HECTD4: variants seen among roughly 807,000 people sequenced by gnomAD.
The protein encoded by HECTD4 is probable E3 ubiquitin-protein ligase HECTD4.
Under a neutral mutation model 471.5 loss-of-function variants are expected in HECTD4, and 114 were observed. That is an observed-to-expected ratio of 0.24 (90% confidence interval 0.21 to 0.28). The LOEUF (loss-of-function observed/expected upper bound fraction) is 0.28. HECTD4 is among the 10% of genes least tolerant of loss of function. The pLI, the probability that HECTD4 is intolerant of heterozygous loss-of-function variation, is 1.00. For synonymous variants in HECTD4, 2,012 were observed against 2,256.0 expected (o/e 0.89, Z 3.07); for missense variants, 3,866 against 5,651.5 (o/e 0.68, Z 10.13).
chr12:112,203,548 A>T, intron 54 of HECTD4, 88 bp downstream of exon 54: 2 of 1,092,384 alleles, frequency 1.8e-6, no homozygotes, highest in Non-Finnish European at 2.6e-6. Flanking sequence ...TCATCTGTAT[A>T]ATCACTTTTT....
At chr12:112,233,385 C>A (rs2033430175) in intron 37 of HECTD4, among the ~76,000 whole-genome samples, 1 of 151,470 alleles carries the variant, frequency 6.6e-6, no homozygotes, top group Non-Finnish European at 1.5e-5. Flanking sequence ...ACTATGCTTG[C>A]CTAATTTTTG....
intron 1 of HECTD4, among the ~76,000 whole-genome samples, chr12:112,375,541 G>T (rs772088294): frequency 6.6e-6 from 1 of 152,064 alleles, no homozygotes; most frequent in African/African-American, 2.4e-5. Context: ...TCTTATATAC[G>T]ATGCCTGCTT....
At chr12:112,177,078 T>C (rs994918615) in intron 64 of HECTD4, among the ~76,000 whole-genome samples, 1 of 152,182 alleles carries the variant, frequency 6.6e-6, no homozygotes, top group African/African-American at 2.4e-5. Context: ...AAATGCCCCA[T>C]AGCCAGTTGT....
In HECTD4 at chr12:112,213,367, G is replaced by A. The variant is rs1050345505; in HGVS notation, c.7466-717C>T. On this transcript the variant is annotated intron_variant, in intron 48 of 75. Transcript: ENST00000682272. This position sits in a 1 kb window ranked among gnomAD's most constrained non-coding sequence, Gnocchi z 4.0. ...AAAAGGTATTAGTAATATCATCTCC[G>A]GTGAATATTCAGAAATGGCCTAAAA... is the stretch of plus-strand genomic sequence containing the variant. Among the ~76,000 whole-genome samples, 2 of 151,958 alleles carry A rather than the reference G, an allele frequency of 1.3e-5. No homozygotes were observed. Among genetic ancestry groups the A allele is most frequent in the Admixed American group, 1.3e-4 (2 of 15,234 alleles).
In HECTD4 at chr12:112,265,930, C is replaced by T; in HGVS notation, c.2446G>A (p.Ala816Thr). ...QLRDVILTNLAEQLQNNRFGS... is the reference protein window; with the variant it reads ...QLRDVILTNLTEQLQNNRFGS... ...AATCGGTTGTTTTGGAGCTGTTCAG[C>T]CAGGTTGGTTAGGATCACATCCCGT... The change falls in exon 15 of 76, where the codon GCT (alanine) becomes ACT (threonine). Residue 816 changes from alanine to threonine, a missense_variant. Ala to Thr is a moderately conservative substitution (Grantham distance 58). This residue lies in a region of HECTD4 where 525 missense variants were observed against 672.6 expected (regional missense o/e 0.78). Transcript: ENST00000682272. 1 of 1,613,972 alleles carries T rather than the reference C, an allele frequency of 6.2e-7. No homozygotes were observed. Among genetic ancestry groups the T allele is most frequent in the Non-Finnish European group, 8.5e-7 (1 of 1,179,876 alleles).
rs1185831790 is a variant in HECTD4 at position 112,308,995 on chromosome 12, T to C, written c.1026-104A>G. ...ACATTTTCGACCTAATTTTAAAAAA[T>C]GAGTAAGTATGTAAAACATCTGAAG... On this transcript the variant is annotated intron_variant, in intron 5 of 75. Transcript: ENST00000682272. 17 of 1,161,048 alleles carry C rather than the reference T, an allele frequency of 1.5e-5. No homozygotes were observed. The African/African-American group carries it at 1.9e-4, about 13-fold the overall frequency. The allele number at this position is 1,161,048 out of a possible 1,614,324, so 71.9% of individuals were successfully genotyped here. A position where few individuals can be genotyped will look rare whatever the true frequency, so the allele number is the denominator to read the frequency against.
rs565397950 is a variant in HECTD4 at position 112,160,291 on chromosome 12, A to G, written c.*2096T>C. On this transcript the variant is annotated 3_prime_UTR_variant, in exon 76 of 76. Coordinates refer to ENST00000682272, the MANE Select transcript of HECTD4 (RefSeq NM_001388303.1). ...CTTTGAACTTGCTCAGCAAGAGTAG[A>G]TGATCACACAACTCTTAAGGTAAAT... is the stretch of plus-strand genomic sequence containing the variant. The G allele has an allele frequency of 2.0e-5, 3 of 152,312 alleles. No homozygotes were observed. The highest frequency in any genetic ancestry group is 4.1e-4 in the South Asian group (2 of 4,822). 9.4% of individuals were successfully genotyped at this position (152,312 alleles called of 1,614,324 possible). A position where few individuals can be genotyped will look rare whatever the true frequency, so the allele number is the denominator to read the frequency against.
intron 1 of HECTD4, among the ~76,000 whole-genome samples, chr12:112,371,938 CCAAA>C (rs150892695): frequency 0.04 from 5,851 of 147,198 alleles, 250 homozygotes; most frequent in African/African-American, 0.11. Context: ...GGATCACCAA[CCAAA>C]CAAACAAACA....
At chr12:112,368,147 G>A (rs2036602670) in intron 1 of HECTD4, among the ~76,000 whole-genome samples, 1 of 152,186 alleles carries the variant, frequency 6.6e-6, no homozygotes, top group Non-Finnish European at 1.5e-5. Context: ...GCTACACACT[G>A]TGCTCTGACC....
intron 48 of HECTD4, among the ~76,000 whole-genome samples, chr12:112,212,953 G>A (rs553979943): frequency 2.0e-5 from 3 of 152,232 alleles, no homozygotes; most frequent in South Asian, 4.1e-4. Context: ...CTACAAGCAC[G>A]CCCAGTTAAT....
chr12:112,207,246 C>T lies in HECTD4; in HGVS notation c.8131+628G>A, dbSNP rs369880660. Among the ~76,000 whole-genome samples the T allele has an allele frequency of 1.4e-3, 212 of 152,240 alleles. 1 individual carries two copies. The highest frequency in any genetic ancestry group is 4.2e-3 in the African/African-American group (176 of 41,548). On this transcript the variant is annotated intron_variant, in intron 52 of 75. Transcript: ENST00000682272. ...GCCGCTTCTGCCTCCTGGGTTCAAG[C>T]GATTCTCCTGTCTCAGCCACCGGAG...
chr12:112,230,086 G>C (rs989375887), intron 40 of HECTD4, among the ~76,000 whole-genome samples: 4 of 152,236 alleles, frequency 2.6e-5, no homozygotes, highest in South Asian at 2.1e-4. Flanking sequence ...TACACAACTG[G>C]GAGAATCAAA....
intron 43 of HECTD4, among the ~76,000 whole-genome samples, chr12:112,227,752 C>T (rs930260395): frequency 2.0e-5 from 3 of 152,028 alleles, no homozygotes; most frequent in Non-Finnish European, 4.4e-5. Flanking sequence ...GATTCTCCTG[C>T]CTCAAGGTAG....
rs2033308217 is a variant in HECTD4 at position 112,228,937 on chromosome 12, T to C, written c.6520-126A>G. 2.2e-6 allele frequency: 2 copies of C among 911,382 alleles called. No homozygotes were observed. Among genetic ancestry groups the C allele is most frequent in the African/African-American group, 3.4e-5 (2 of 59,630 alleles). The allele number at this position is 911,382 out of a possible 1,614,324, so 56.5% of individuals were successfully genotyped here. On this transcript the variant is annotated intron_variant, in intron 41 of 75. Coordinates refer to ENST00000682272, the MANE Select transcript of HECTD4 (RefSeq NM_001388303.1). The surrounding 1 kb of genome is among the most constrained non-coding windows in gnomAD (Gnocchi z 4.9). ...GCGTTACAGTAATAGTTTATACTACTAGGGTAGCAGATACCAAGCCCTAGA... is the reference window on the plus strand; with the variant it reads ...GCGTTACAGTAATAGTTTATACTACCAGGGTAGCAGATACCAAGCCCTAGA...
At chr12:112,312,450 C>T (rs974549216) in intron 4 of HECTD4, among the ~76,000 whole-genome samples, 1 of 152,158 alleles carries the variant, frequency 6.6e-6, no homozygotes, top group Non-Finnish European at 1.5e-5. Context: ...TCTATCCCAT[C>T]TGCCAAGTCA....
intron 54 of HECTD4, chr12:112,201,510 G>A: frequency 6.4e-6 from 1 of 155,824 alleles, no homozygotes; most frequent in Admixed American, 6.3e-5. Flanking sequence ...AAAAAGAACA[G>A]GATAATATAT....
intron 48 of HECTD4, 45 bp downstream of exon 48, chr12:112,216,247 G>A (rs1345903815): frequency 1.5e-6 from 2 of 1,313,060 alleles, no homozygotes; most frequent in African/African-American, 1.5e-5. Flanking sequence ...CCAAACCTGA[G>A]ACCAACAGAA....
intron 37 of HECTD4, among the ~76,000 whole-genome samples, chr12:112,233,616 A>C (rs1293956679): frequency 6.6e-6 from 1 of 152,200 alleles, no homozygotes; most frequent in Non-Finnish European, 1.5e-5. Flanking sequence ...TTTAGGGCCC[A>C]AAACAACAGC....
chr12:112,275,938 A>G lies in HECTD4; in HGVS notation c.1688-978T>C, dbSNP rs549015344. Among the ~76,000 whole-genome samples, 238 of 152,292 alleles carry G rather than the reference A, an allele frequency of 1.6e-3. 1 individual carries two copies. Among genetic ancestry groups the G allele is most frequent in the Middle Eastern group, 6.8e-3 (2 of 294 alleles). The stretch of plus-strand genomic sequence containing the variant: ...GAATAATATCCGTTCTTTATGGCTT[A>G]AACTCAAAACCTCATGAAGTCTCTC... On this transcript the variant is annotated intron_variant, in intron 9 of 75. Coordinates refer to ENST00000682272, the MANE Select transcript of HECTD4 (RefSeq NM_001388303.1).
Sources: gnomAD v4.1 joint callset for allele counts (sites outside exome capture counted in the v4.1 genomes callset) on GRCh38, gnomAD v4.1.1 for gene constraint, gnomAD v4.1.1 regional missense constraint, Gnocchi (gnomAD v3.1) non-coding constraint, MANE v1.5 for transcripts, NCBI Gene and HGNC (gene_info 2026-07-23, HGNC 2026-07-21) for gene names.